Variants in COG5 observed in about 807,000 individuals in gnomAD.
COG5 encodes conserved oligomeric Golgi complex subunit 5.
In COG5, 86 loss-of-function variants were observed where a neutral mutation model predicts 110.4. The observed-to-expected ratio is 0.78, with a 90% confidence interval of 0.65 to 0.93. COG5 has a LOEUF of 0.93. Ranked by LOEUF, COG5 falls within the 40% of genes least tolerant of loss-of-function variation. COG5 has a pLI of 0.00. For synonymous variants in COG5, 360 were observed against 334.6 expected, an observed-to-expected ratio of 1.08 and a Z score of -0.83; for missense variants, 1,077 against 987.0, an observed-to-expected ratio of 1.09 and a Z score of -1.22.
chr7:107,495,966 G>A (rs929212222), intron 6 of COG5, among the ~76,000 whole-genome samples: 3 of 142,178 alleles, frequency 2.1e-5, no homozygotes, highest in Admixed American at 7.1e-5. Context: ...TTTTTTTTAA[G>A]AGACAAGGTC....
intron 10 of COG5, among the ~76,000 whole-genome samples, chr7:107,356,477 A>G (rs1812633137): frequency 6.6e-6 from 1 of 152,178 alleles, no homozygotes; most frequent in African/African-American, 2.4e-5. Flanking sequence ...AGGCAGGAAG[A>G]TCACTTCAGC....
chr7:107,474,965 G>A lies in COG5; in HGVS notation c.538+52272C>T, dbSNP rs1317015043. ...CTCCGGCGAGCTGTGAAACGACACCGTGAACGACGAGAAAGACAAAAGAGA... is the reference window on the plus strand; with the variant it reads ...CTCCGGCGAGCTGTGAAACGACACCATGAACGACGAGAAAGACAAAAGAGA... On this transcript the variant is annotated intron_variant, in intron 6 of 21. Transcript: ENST00000297135. The surrounding 1 kb of genome is among the most constrained non-coding windows in gnomAD (Gnocchi z 5.7). 8 of 1,612,234 alleles carry A rather than the reference G, an allele frequency of 5.0e-6. No individual in the cohort carries two copies. Among genetic ancestry groups the A allele is most frequent in the South Asian group, 2.2e-5 (2 of 90,888 alleles).
At chr7:107,451,578 T>C (rs950143063) in intron 6 of COG5, among the ~76,000 whole-genome samples, 1 of 152,152 alleles carries the variant, frequency 6.6e-6, no homozygotes, top group African/African-American at 2.4e-5. Context: ...CTGCCTACTC[T>C]TCTACCTCCC....
chr7:107,302,641 A>C (rs771129195), intron 11 of COG5, among the ~76,000 whole-genome samples: 2 of 152,168 alleles, frequency 1.3e-5, no homozygotes, highest in Non-Finnish European at 2.9e-5. Flanking sequence ...AAGTAACACT[A>C]TATGTTCTTT....
At chr7:107,529,317 G>A (rs1429005436) in intron 5 of COG5, among the ~76,000 whole-genome samples, 1 of 152,168 alleles carries the variant, frequency 6.6e-6, no homozygotes, top group Admixed American at 6.5e-5. Flanking sequence ...TTGATGATTT[G>A]GAAGTTATCA....
chr7:107,428,388 G>A (rs1319382487), intron 6 of COG5, among the ~76,000 whole-genome samples: 1 of 152,062 alleles, frequency 6.6e-6, no homozygotes, highest in Non-Finnish European at 1.5e-5. Context: ...CAGCTACAGA[G>A]AGGAGAATGC....
At chr7:107,274,118 G>A (rs552632422) in intron 14 of COG5, among the ~76,000 whole-genome samples, 2 of 152,178 alleles carry the variant, frequency 1.3e-5, no homozygotes, top group Admixed American at 6.5e-5. Flanking sequence ...AGTAGGGAGC[G>A]TCCATCTTTG....
chr7:107,525,455 T>C (rs1305417370), intron 6 of COG5, among the ~76,000 whole-genome samples: 2 of 152,184 alleles, frequency 1.3e-5, no homozygotes, highest in African/African-American at 2.4e-5. Flanking sequence ...TTAAATGTGA[T>C]AGAGCAAAAC....
chr7:107,518,330 G>A (rs1016360549), intron 6 of COG5, among the ~76,000 whole-genome samples: 1 of 152,046 alleles, frequency 6.6e-6, no homozygotes, highest in Non-Finnish European at 1.5e-5. Context: ...AATGTAAATG[G>A]GCTAAATGTC....
At chr7:107,361,201 CAATAT>C (rs1005247484) in intron 10 of COG5, among the ~76,000 whole-genome samples, 4 of 152,124 alleles carry the variant, frequency 2.6e-5, no homozygotes, top group African/African-American at 9.7e-5. Flanking sequence ...AAAAACACAT[CAATAT>C]AATGAATAAA....
At chr7:107,428,387 AGAG>A (rs1483154913) in intron 6 of COG5, among the ~76,000 whole-genome samples, 4 of 152,120 alleles carry the variant, frequency 2.6e-5, no homozygotes, top group Non-Finnish European at 4.4e-5. Flanking sequence ...CCAGCTACAG[AGAG>A]GAGAATGCCA....
intron 21 of COG5, chr7:107,209,190 TG>T (rs1798983115): frequency 1.0e-6 from 1 of 985,244 alleles, no homozygotes; most frequent in Non-Finnish European, 1.2e-6. Context: ...CCAACAGAAT[TG>T]GGATCCCCTG....
At chr7:107,331,841 T>TG (rs1810276463) in intron 10 of COG5, among the ~76,000 whole-genome samples, 1 of 83,166 alleles carries the variant, frequency 1.2e-5, no homozygotes, top group Non-Finnish European at 2.7e-5. Flanking sequence ...TGCTTGCCTC[T>TG]TTTTTTTTTT....
chr7:107,215,427 G>A (rs955287968), intron 19 of COG5, among the ~76,000 whole-genome samples: 1 of 152,084 alleles, frequency 6.6e-6, no homozygotes, highest in African/African-American at 2.4e-5. Context: ...CAGCACTTTG[G>A]GAGGCCGTGG....
Position 107,502,319 on chromosome 7 carries a change from C to T in COG5, c.538+24918G>A, listed in dbSNP as rs1429857622. Among the ~76,000 whole-genome samples the T allele has an allele frequency of 2.6e-5, 4 of 152,052 alleles. No homozygotes were observed. The East Asian group carries it at 7.7e-4, about 29-fold the overall frequency. On this transcript the variant is annotated intron_variant, in intron 6 of 21. Coordinates refer to ENST00000297135, the MANE Select transcript of COG5 (RefSeq NM_006348.5). ...TAGAATAATGGCCTCCAGCTTAATC[C>T]ATGTTGCTGCAAAACACATTACTTC... is the stretch of plus-strand genomic sequence containing the variant.
intron 19 of COG5, among the ~76,000 whole-genome samples, chr7:107,213,840 C>T (rs551690384): frequency 1.3e-5 from 2 of 152,228 alleles, no homozygotes; most frequent in African/African-American, 4.8e-5. Flanking sequence ...GACATCAATA[C>T]AAGGACATGA....
At chr7:107,206,313 T>C (rs1198841811) in intron 21 of COG5, among the ~76,000 whole-genome samples, 1 of 152,166 alleles carries the variant, frequency 6.6e-6, no homozygotes, top group African/African-American at 2.4e-5. Flanking sequence ...CATACCCAGT[T>C]TCAAGTCCCA....
intron 14 of COG5, among the ~76,000 whole-genome samples, chr7:107,271,842 G>C (rs1020053734): frequency 5.3e-5 from 8 of 151,560 alleles, no homozygotes; most frequent in Non-Finnish European, 1.0e-4. Flanking sequence ...CCTTGATTGA[G>C]ATCTTTTTTC....
At chr7:107,533,737 A>G (rs540877057) in intron 5 of COG5, among the ~76,000 whole-genome samples, 5 of 151,828 alleles carry the variant, frequency 3.3e-5, no homozygotes, top group Admixed American at 2.0e-4. Context: ...GTTGGAAAAC[A>G]CACTTCAAGA....
Sources: gnomAD v4.1 joint callset for allele counts (sites outside exome capture counted in the v4.1 genomes callset) on GRCh38, gnomAD v4.1.1 for gene constraint, Gnocchi (gnomAD v3.1) non-coding constraint, MANE v1.5 for transcripts, NCBI Gene and HGNC (gene_info 2026-07-23, HGNC 2026-07-21) for gene names.